MLLT3: variants seen among roughly 807,000 people sequenced by gnomAD.
MLLT3 encodes MLLT3 super elongation complex subunit, also known as protein AF-9.
Under a neutral mutation model 53.2 loss-of-function variants are expected in MLLT3, and 4 were observed. The ratio of observed to expected loss-of-function variants is 0.08; its 90% CI spans 0.04 to 0.17. The LOEUF (loss-of-function observed/expected upper bound fraction) is 0.17, where lower values mean the gene tolerates loss of function less well. Ranked by LOEUF, MLLT3 falls within the 10% of genes least tolerant of loss-of-function variation. The pLI is 1.00. For synonymous variants in MLLT3, 283 were observed against 230.6 expected (o/e 1.23, Z -2.06); for missense variants, 569 against 684.0 (o/e 0.83, Z 1.87).
intron 4 of MLLT3, among the ~76,000 whole-genome samples, chr9:20,437,792 A>T (rs1823442851): frequency 6.6e-6 from 1 of 152,230 alleles, no homozygotes; most frequent in Non-Finnish European, 1.5e-5. Context: ...AGAGCTCAAA[A>T]TCATCAGAAA....
intron 10 of MLLT3, among the ~76,000 whole-genome samples, chr9:20,350,579 A>G (rs1172180669): frequency 8.1e-6 from 1 of 122,876 alleles, no homozygotes; most frequent in African/African-American, 4.5e-5. Flanking sequence ...TGGGCGACAG[A>G]GCGAGACTCC....
At chr9:20,475,663 G>A (rs907567325) in intron 2 of MLLT3, among the ~76,000 whole-genome samples, 1 of 152,028 alleles carries the variant, frequency 6.6e-6, no homozygotes, top group African/African-American at 2.4e-5. Context: ...TCAGGTCCCC[G>A]GGTCAGGAAT....
intron 2 of MLLT3, among the ~76,000 whole-genome samples, chr9:20,565,909 A>AATATATATATATTTAT (rs1280862130): frequency 5.5e-5 from 7 of 126,436 alleles, no homozygotes; most frequent in Admixed American, 1.7e-4. Context: ...TCAAGGAAAA[A>AATATATATATATTTAT]ATATATATAT....
intron 5 of MLLT3, among the ~76,000 whole-genome samples, chr9:20,406,492 G>A (rs1188427402): frequency 6.6e-6 from 1 of 152,020 alleles, no homozygotes; most frequent in African/African-American, 2.4e-5. Flanking sequence ...AACTTAAAGT[G>A]ACATGATAGT....
intron 5 of MLLT3, among the ~76,000 whole-genome samples, chr9:20,411,475 GA>G (rs1822726379): frequency 6.6e-6 from 1 of 152,142 alleles, no homozygotes; most frequent in Non-Finnish European, 1.5e-5. Context: ...ACTAGTACCA[GA>G]AGACTAATAA....
chr9:20,561,942 T>C (rs1819224776), intron 2 of MLLT3, among the ~76,000 whole-genome samples: 1 of 151,734 alleles, frequency 6.6e-6, no homozygotes, highest in Non-Finnish European at 1.5e-5. Flanking sequence ...TTGTTTGGGT[T>C]TGAGGGGTGG....
chr9:20,381,825 C>G (rs949426849), intron 5 of MLLT3, among the ~76,000 whole-genome samples: 1 of 151,574 alleles, frequency 6.6e-6, no homozygotes, highest in African/African-American at 2.4e-5. Flanking sequence ...GTATGATAAG[C>G]TATATAATTA....
intron 2 of MLLT3, among the ~76,000 whole-genome samples, chr9:20,564,875 T>C (rs1005281052): frequency 1.7e-4 from 26 of 152,102 alleles, no homozygotes; most frequent in African/African-American, 6.0e-4. Flanking sequence ...CCTTGAGCCA[T>C]CCATTCTTCC....
At chr9:20,384,157 T>C (rs1821972434) in intron 5 of MLLT3, among the ~76,000 whole-genome samples, 1 of 152,060 alleles carries the variant, frequency 6.6e-6, no homozygotes, top group Non-Finnish European at 1.5e-5. Context: ...TTCTGCCACA[T>C]GTTAACTTGT....
At chr9:20,477,252 T>A (rs540506751) in intron 2 of MLLT3, among the ~76,000 whole-genome samples, 1 of 152,308 alleles carries the variant, frequency 6.6e-6, no homozygotes, top group East Asian at 1.9e-4. Context: ...TAAGGTTTGC[T>A]CTATTTGTCA....
At chr9:20,414,472 A>G in intron 4 of MLLT3, 47 bp from the exon 5 acceptor site, 1 of 1,598,024 alleles carries the variant, frequency 6.3e-7, no homozygotes, top group Non-Finnish European at 8.5e-7. Flanking sequence ...CTAAATAGCA[A>G]TGAAGAGTCA....
At chr9:20,460,868 A>G (rs1390108815) in intron 2 of MLLT3, among the ~76,000 whole-genome samples, 1 of 152,236 alleles carries the variant, frequency 6.6e-6, no homozygotes, top group African/African-American at 2.4e-5. Flanking sequence ...AGGTGATAGA[A>G]AAGTGTTGCC....
chr9:20,440,747 CAG>C (rs1437588928), intron 4 of MLLT3, among the ~76,000 whole-genome samples: 1 of 152,132 alleles, frequency 6.6e-6, no homozygotes, highest in Non-Finnish European at 1.5e-5. Context: ...TGTATTTAAA[CAG>C]AGAAACAATT....
intron 4 of MLLT3, among the ~76,000 whole-genome samples, chr9:20,424,826 A>G (rs193116623): frequency 7.2e-4 from 109 of 152,294 alleles, no homozygotes; most frequent in Admixed American, 5.6e-3. Context: ...TATTACCACA[A>G]TATTACCTAT....
At chr9:20,510,979 T>C (rs1180119369) in intron 2 of MLLT3, among the ~76,000 whole-genome samples, 2 of 152,210 alleles carry the variant, frequency 1.3e-5, no homozygotes, top group African/African-American at 4.8e-5. Flanking sequence ...TATAGAATAT[T>C]ATGCAGCCAT....
intron 4 of MLLT3, among the ~76,000 whole-genome samples, chr9:20,425,725 T>C (rs1458190245): frequency 6.7e-6 from 1 of 149,448 alleles, no homozygotes; most frequent in African/African-American, 2.6e-5. Flanking sequence ...ACATCATTAA[T>C]AAGATGAAAA....
intron 2 of MLLT3, among the ~76,000 whole-genome samples, chr9:20,570,165 T>G (rs1456986181): frequency 1.3e-5 from 2 of 151,868 alleles, no homozygotes; most frequent in Non-Finnish European, 2.9e-5. Flanking sequence ...TTCTAGACCT[T>G]GGCTTTGAAA....
intron 2 of MLLT3, among the ~76,000 whole-genome samples, chr9:20,572,387 G>A (rs777096498): frequency 3.3e-5 from 5 of 152,186 alleles, no homozygotes; most frequent in Non-Finnish European, 5.9e-5. Context: ...AATGGTATGT[G>A]AGGTGTTGGA....
At position 20,386,098 on chromosome 9, in the gene MLLT3, A is replaced by G. The variant is rs139338766; in HGVS notation, c.1126-20354T>C. Reference sequence around the variant, plus strand: ...CATTTCTGTATTTCATATACAGAACATGTAGAGATGCCGTGCCATTTGGTT... The same window carrying G: ...CATTTCTGTATTTCATATACAGAACGTGTAGAGATGCCGTGCCATTTGGTT... On this transcript the variant is annotated intron_variant, in intron 5 of 10. Transcript: ENST00000380338. Among the ~76,000 whole-genome samples, 169 of 152,306 alleles carry G rather than the reference A, an allele frequency of 1.1e-3. 3 individuals carry two copies. Among genetic ancestry groups the G allele is most frequent in the African/African-American group, 4.0e-3 (165 of 41,582 alleles).
Sources: gnomAD v4.1 joint callset for allele counts (sites outside exome capture counted in the v4.1 genomes callset) on GRCh38, gnomAD v4.1.1 for gene constraint, MANE v1.5 for transcripts, NCBI Gene and HGNC (gene_info 2026-07-23, HGNC 2026-07-21) for gene names.